Variants in MLLT3 observed in about 807,000 individuals in gnomAD.
The protein encoded by MLLT3 is MLLT3 super elongation complex subunit.
In MLLT3, 4 loss-of-function variants were observed where a neutral mutation model predicts 53.2. The ratio of observed to expected loss-of-function variants is 0.08; its 90% CI spans 0.04 to 0.17. The LOEUF is 0.17. Ranked by LOEUF, MLLT3 falls within the 10% of genes least tolerant of loss-of-function variation. The pLI, the probability that MLLT3 is intolerant of heterozygous loss-of-function variation, is 1.00. For missense variants in MLLT3, 569 were observed against 684.0 expected, an observed-to-expected ratio of 0.83 and a Z score of 1.87; for synonymous variants, 283 against 230.6, an observed-to-expected ratio of 1.23 and a Z score of -2.06.
At chr9:20,599,764 T>A (rs1205700925) in intron 2 of MLLT3, among the ~76,000 whole-genome samples, 1 of 152,112 alleles carries the variant, frequency 6.6e-6, no homozygotes, top group African/African-American at 2.4e-5. Context: ...GGACAATAGG[T>A]ATATACTTGG....
chr9:20,558,835 T>G lies in MLLT3; in HGVS notation c.193+61819A>C, dbSNP rs896259509. On this transcript the variant is annotated intron_variant, in intron 2 of 10. Coordinates refer to ENST00000380338, the MANE Select transcript of MLLT3 (RefSeq NM_004529.4). ...CATCATTTGCATCAGCAAGCTCTGTTTCCACAAGACTGGGACCATGACTAC... is the reference window on the plus strand; with the variant it reads ...CATCATTTGCATCAGCAAGCTCTGTGTCCACAAGACTGGGACCATGACTAC... Among the ~76,000 whole-genome samples, 8 of 152,350 alleles carry G rather than the reference T, an allele frequency of 5.3e-5. No homozygotes were observed. The East Asian group carries it at 1.5e-3, about 29-fold the overall frequency.
chr9:20,449,094 C>T (rs1475169748), intron 3 of MLLT3, among the ~76,000 whole-genome samples: 2 of 152,154 alleles, frequency 1.3e-5, no homozygotes, highest in East Asian at 3.8e-4. Flanking sequence ...GGAAAACCTC[C>T]CCTTAACTCC....
chr9:20,547,289 C>G (rs1243843466), intron 2 of MLLT3, among the ~76,000 whole-genome samples: 1 of 151,966 alleles, frequency 6.6e-6, no homozygotes, highest in Non-Finnish European at 1.5e-5. Context: ...CTGCCTCAAC[C>G]TCCTAAAGTG....
intron 2 of MLLT3, among the ~76,000 whole-genome samples, chr9:20,460,496 T>A (rs147658565): frequency 1.3e-5 from 2 of 152,228 alleles, no homozygotes; most frequent in Non-Finnish European, 2.9e-5. Flanking sequence ...CCAGCCCAGA[T>A]GTTAGCTCTT....
rs760352616 is a variant in MLLT3, at chr9:20,498,266, A to AAG, written c.194-41481_194-41480insCT. On this transcript the variant is annotated intron_variant, in intron 2 of 10. Transcript: ENST00000380338. ...AAAAAAAAAAAAAAAAAAAAAAAAAAGTTCTTCTAGCTGTTCTACCTTTAC... is the reference window on the plus strand; with the variant it reads ...AAAAAAAAAAAAAAAAAAAAAAAAAAAGGTTCTTCTAGCTGTTCTACCTTTAC... Among the ~76,000 whole-genome samples the AAG allele has an allele frequency of 3.9e-4, 38 of 98,344 alleles. 10 individuals carry two copies. Among genetic ancestry groups the AAG allele is most frequent in the African/African-American group, 5.0e-4 (14 of 28,198 alleles). The allele number at this position is 98,344 out of a possible 152,430, so 64.5% of individuals were successfully genotyped here.
At chr9:20,407,337 C>T (rs922836429) in intron 5 of MLLT3, among the ~76,000 whole-genome samples, 1 of 152,194 alleles carries the variant, frequency 6.6e-6, no homozygotes, top group Non-Finnish European at 1.5e-5. Flanking sequence ...AAGGTGCAAT[C>T]TAGACCCAAG....
intron 5 of MLLT3, among the ~76,000 whole-genome samples, chr9:20,365,976 G>A (rs1821439734): frequency 6.6e-6 from 1 of 152,152 alleles, no homozygotes; most frequent in African/African-American, 2.4e-5. Flanking sequence ...GGTGTTACAT[G>A]AGAAAAGGGC....
At chr9:20,613,060 T>G (rs754977134) in intron 2 of MLLT3, among the ~76,000 whole-genome samples, 5 of 152,134 alleles carry the variant, frequency 3.3e-5, no homozygotes, top group Admixed American at 6.5e-5. Context: ...ATACAATATA[T>G]TCCCATGATG....
At chr9:20,442,786 T>C (rs1823588152) in intron 4 of MLLT3, among the ~76,000 whole-genome samples, 1 of 152,176 alleles carries the variant, frequency 6.6e-6, no homozygotes, top group Non-Finnish European at 1.5e-5. Flanking sequence ...ATTTATTCCT[T>C]GTGAAAACAG....
intron 5 of MLLT3, among the ~76,000 whole-genome samples, chr9:20,394,153 G>A (rs937966921): frequency 3.3e-5 from 5 of 152,070 alleles, no homozygotes; most frequent in African/African-American, 1.2e-4. Context: ...TTCTCATATA[G>A]GCTTCTGGAT....
intron 2 of MLLT3, among the ~76,000 whole-genome samples, chr9:20,538,125 T>C (rs1818532787): frequency 6.6e-6 from 1 of 152,204 alleles, no homozygotes; most frequent in Non-Finnish European, 1.5e-5. Context: ...CTGATGGAAT[T>C]AGAAAGGTTA....
chr9:20,426,956 A>G lies in MLLT3; in HGVS notation c.421-12531T>C, dbSNP rs535099587. Among the ~76,000 whole-genome samples, 35 of 152,236 alleles carry G rather than the reference A, an allele frequency of 2.3e-4. No individual in the cohort carries two copies. In the South Asian group the frequency reaches 6.6e-3, roughly 29 times the overall value. ...AGACCAAACCTGGGCCCTATAGCAC[A>G]TTTGGAGACCTAAACCTCAGAGTCT... On this transcript the variant is annotated intron_variant, in intron 4 of 10. Transcript: ENST00000380338.
intron 5 of MLLT3, among the ~76,000 whole-genome samples, chr9:20,385,651 G>A (rs571326303): frequency 6.6e-6 from 1 of 152,196 alleles, no homozygotes; most frequent in South Asian, 2.1e-4. Context: ...AATCTCAGCT[G>A]AAAATTTTGG....
At chr9:20,377,293 T>C (rs946482851) in intron 5 of MLLT3, among the ~76,000 whole-genome samples, 1 of 152,198 alleles carries the variant, frequency 6.6e-6, no homozygotes, top group African/African-American at 2.4e-5. Flanking sequence ...GTGCAGAGCA[T>C]AAGAAATTTA....
At chr9:20,595,377 CAATAA>C (rs1820235834) in intron 2 of MLLT3, among the ~76,000 whole-genome samples, 2 of 151,684 alleles carry the variant, frequency 1.3e-5, no homozygotes, top group Non-Finnish European at 2.9e-5. Context: ...TCTCAAAAAA[CAATAA>C]AATAAAATAA....
intron 2 of MLLT3, among the ~76,000 whole-genome samples, chr9:20,590,363 T>C (rs1364218103): frequency 6.6e-6 from 1 of 152,190 alleles, no homozygotes; most frequent in Non-Finnish European, 1.5e-5. Flanking sequence ...TATGTCATCT[T>C]GAATTGTAAT....
At chr9:20,616,563 T>G (rs561864387) in intron 2 of MLLT3, among the ~76,000 whole-genome samples, 1 of 152,152 alleles carries the variant, frequency 6.6e-6, no homozygotes, top group Non-Finnish European at 1.5e-5. Context: ...AGTAAGAGTT[T>G]GATGCCCGCT....
chr9:20,481,187 A>G (rs949265291), intron 2 of MLLT3, among the ~76,000 whole-genome samples: 13 of 152,232 alleles, frequency 8.5e-5, no homozygotes, highest in Non-Finnish European at 1.9e-4. Flanking sequence ...ATTGTCTCAG[A>G]GCAGTGTTTG....
Position 20,503,668 on chromosome 9 carries a change from G to T in MLLT3, c.194-46882C>A, listed in dbSNP as rs184626791. Among the ~76,000 whole-genome samples the T allele has an allele frequency of 1.5e-3, 230 of 151,770 alleles. 3 individuals carry two copies. Among genetic ancestry groups the T allele is most frequent in the Non-Finnish European group, 2.6e-3 (176 of 67,884 alleles). On this transcript the variant is annotated intron_variant, in intron 2 of 10. Transcript: ENST00000380338. ...CTTTGGATATGACCCCAAAAGCACA[G>T]GCAACCAAAAACAAAAACAAAAAAA...
Sources: gnomAD v4.1 joint callset for allele counts (sites outside exome capture counted in the v4.1 genomes callset) on GRCh38, gnomAD v4.1.1 for gene constraint, MANE v1.5 for transcripts, NCBI Gene and HGNC (gene_info 2026-07-23, HGNC 2026-07-21) for gene names.